Variants in CPLANE1 observed in about 807,000 individuals in gnomAD.
The protein encoded by CPLANE1 is ciliogenesis and planar polarity effector complex subunit 1.
Under a neutral mutation model 362.5 loss-of-function variants are expected in CPLANE1, and 263 were observed. That is an observed-to-expected ratio of 0.73 (90% confidence interval 0.66 to 0.80). The LOEUF (loss-of-function observed/expected upper bound fraction) is 0.80. Among genes scored for constraint, CPLANE1 ranks in the 30% least tolerant of loss-of-function variants. CPLANE1 has a pLI of 0.00. For synonymous variants in CPLANE1, 1,212 were observed against 1,302.6 expected, an observed-to-expected ratio of 0.93 and a Z score of 1.50; for missense variants, 3,461 against 3,793.4, an observed-to-expected ratio of 0.91 and a Z score of 2.30.
intron 25 of CPLANE1, among the ~76,000 whole-genome samples, chr5:37,183,997 TG>T (rs1309337275): frequency 2.0e-5 from 3 of 152,182 alleles, no homozygotes; most frequent in Non-Finnish European, 4.4e-5. Context: ...AATTTTTCTG[TG>T]GGTAAAAGAA....
chr5:37,247,898 A>G (rs1357020435), intron 1 of CPLANE1, 153 bp from the exon 2 acceptor site: 1 of 455,168 alleles, frequency 2.2e-6, no homozygotes, highest in African/African-American at 2.0e-5. Flanking sequence ...CCCGGATTCA[A>G]GTGATTCTCC....
intron 33 of CPLANE1, 26 bp downstream of exon 33, chr5:37,170,015 A>G: frequency 6.2e-7 from 1 of 1,603,340 alleles, no homozygotes; most frequent in Non-Finnish European, 8.5e-7. Context: ...GCGCCCAGCC[A>G]TTAATGGTAT....
rs764395856 is a variant in CPLANE1 at position 37,175,945 on chromosome 5, TGAG to T, written c.5939_5941del (p.Pro1980del). The T allele has an allele frequency of 2.5e-6, 4 of 1,613,682 alleles. No individual in the cohort carries two copies. The South Asian group carries it at 3.3e-5, about 13-fold the overall frequency. On this transcript the variant is annotated inframe_deletion, in exon 31 of 53. Transcript: ENST00000651892. ...TGAACTCGTATCTACTTGCATTGAT[TGAG>T]GAGTGGTATGCCCAGGATGTGAAAA...
chr5:37,110,282 C>T (rs745376584), intron 51 of CPLANE1, among the ~76,000 whole-genome samples: 1 of 152,134 alleles, frequency 6.6e-6, no homozygotes, highest in African/African-American at 2.4e-5. Context: ...TCTTTTCTGT[C>T]ATACCAACTT....
the CPLANE1 span, among the ~76,000 whole-genome samples, chr5:37,089,556 C>A: frequency 6.6e-6 from 1 of 152,150 alleles, no homozygotes; most frequent in Non-Finnish European, 1.5e-5. Context: ...TTGGAATTCA[C>A]CCATTTTTGT....
intron 42 of CPLANE1, among the ~76,000 whole-genome samples, chr5:37,152,763 C>T (rs576804510): frequency 6.6e-6 from 1 of 152,180 alleles, no homozygotes; most frequent in East Asian, 1.9e-4. Context: ...GTGGTGCACA[C>T]CTATAGTCCC....
intron 42 of CPLANE1, among the ~76,000 whole-genome samples, chr5:37,149,948 T>C (rs778658659): frequency 2.0e-5 from 3 of 152,168 alleles, no homozygotes; most frequent in Non-Finnish European, 4.4e-5. Context: ...AAGACAACCA[T>C]TGAACAAATA....
chr5:37,238,785 T>C (rs963597594), intron 8 of CPLANE1, 72 bp downstream of exon 8: 1 of 762,680 alleles, frequency 1.3e-6, no homozygotes, highest in African/African-American at 1.8e-5. Context: ...AGGTGTGAGC[T>C]ACCACACCTG....
chr5:37,239,351 T>C lies in CPLANE1; in HGVS notation c.834+362A>G, dbSNP rs1353735734. 2.6e-5 allele frequency among the ~76,000 whole-genome samples: 4 copies of C among 151,516 alleles called. No individual in the cohort carries two copies. In the East Asian group the frequency reaches 5.8e-4, roughly 22 times the overall value. ...ATCCCAGCACTTTGGGAGGCTGAGG[T>C]GGGAGAACTGCTTGAGCTCAGGAAT... is the stretch of plus-strand genomic sequence containing the variant. On this transcript the variant is annotated intron_variant, in intron 7 of 52. Coordinates refer to ENST00000651892, the MANE Select transcript of CPLANE1 (RefSeq NM_001384732.1).
rs1349133734 is a variant in CPLANE1 at position 37,138,725 on chromosome 5, G to A, written c.8787C>T (p.Thr2929=). ...ATGAATTATTCAATGATTACCTGGA[G>A]GTGCCCATAGCTTGTTCTGTTAAGC... The part of the protein sequence containing the change: ...ELGLTEQAMG[T]SRIQHYSGRH... Residue 2929 remains threonine, a synonymous_variant, in exon 46 of 53, where the codon ACC becomes ACT. Transcript: ENST00000651892. 1.9e-6 allele frequency: 3 copies of A among 1,605,720 alleles called. No homozygotes were observed. Among genetic ancestry groups the A allele is most frequent in the Non-Finnish European group, 2.5e-6 (3 of 1,177,822 alleles).
chr5:37,084,663 C>T, the CPLANE1 span, among the ~76,000 whole-genome samples: 1 of 151,996 alleles, frequency 6.6e-6, no homozygotes, highest in Non-Finnish European at 1.5e-5. Context: ...GCCTGTAATC[C>T]CAGCTACTCA....
At position 37,121,548 on chromosome 5, in the gene CPLANE1, A is replaced by G. The variant is rs10491422; in HGVS notation, c.9185+69T>C. On this transcript the variant is annotated intron_variant, in intron 49 of 52. Transcript: ENST00000651892. ...GCAAATGCACTGAACTTAGGTCACG[A>G]AAGTGCTACATTTCTTCTTATCAGG... The G allele has an allele frequency of 9.1e-3, 13,294 of 1,457,560 alleles. 964 individuals are homozygous for G. The African/African-American group carries it at 0.16, about 18-fold the overall frequency. 90.3% of individuals were successfully genotyped at this position (1,457,560 alleles called of 1,614,324 possible).
chr5:37,084,784 CT>C, the CPLANE1 span, among the ~76,000 whole-genome samples: 2,069 of 149,480 alleles, frequency 0.014, 48 homozygotes, highest in African/African-American at 0.049. Context: ...AAAAAGATAT[CT>C]TTTTTTTTAA....
At chr5:37,107,916 G>C in intron 52 of CPLANE1, 138 bp from the exon 53 acceptor site, 1 of 1,363,634 alleles carries the variant, frequency 7.3e-7, no homozygotes, top group Non-Finnish European at 9.7e-7. Flanking sequence ...AAGGAAATGT[G>C]CCAGGAAATA....
intron 51 of CPLANE1, among the ~76,000 whole-genome samples, chr5:37,113,184 T>C (rs1579791920): frequency 1.3e-5 from 2 of 152,204 alleles, no homozygotes; most frequent in African/African-American, 2.4e-5. Context: ...CATCTTGAAT[T>C]GTAGCTCCCA....
chr5:37,237,967 C>A (rs1799388722), intron 8 of CPLANE1, among the ~76,000 whole-genome samples: 1 of 152,250 alleles, frequency 6.6e-6, no homozygotes, highest in South Asian at 2.1e-4. Flanking sequence ...TCACTTAAGG[C>A]CAGAAGTTCA....
rs531192209 is a variant in CPLANE1 at position 37,188,573 on chromosome 5, C to T, written c.3812-731G>A. Among the ~76,000 whole-genome samples, 234 of 152,182 alleles carry T rather than the reference C, an allele frequency of 1.5e-3. 1 individual carries two copies. Among genetic ancestry groups the T allele is most frequent in the African/African-American group, 5.4e-3 (224 of 41,520 alleles). On this transcript the variant is annotated intron_variant, in intron 21 of 52. Transcript: ENST00000651892. Reference sequence around the variant, plus strand: ...AACACTTTTACACTGCTGGTGAAAACGTAAACTAGTACAACCACTATGGAA... The same window carrying T: ...AACACTTTTACACTGCTGGTGAAAATGTAAACTAGTACAACCACTATGGAA...
the CPLANE1 span, among the ~76,000 whole-genome samples, chr5:37,086,770 T>C: frequency 6.6e-6 from 1 of 152,186 alleles, no homozygotes; most frequent in Non-Finnish European, 1.5e-5. Flanking sequence ...TTAGAGTCTG[T>C]AAGTGGCCTG....
At chr5:37,128,104 G>T (rs774829244) in intron 46 of CPLANE1, among the ~76,000 whole-genome samples, 1 of 152,144 alleles carries the variant, frequency 6.6e-6, no homozygotes, top group African/African-American at 2.4e-5. Context: ...AAAATTAACA[G>T]AATACAGGAT....
Sources: allele counts gnomAD v4.1 joint callset (sites outside exome capture counted in the v4.1 genomes callset), GRCh38; gene constraint gnomAD v4.1.1; transcripts MANE v1.5; gene names NCBI Gene and HGNC (gene_info 2026-07-23, HGNC 2026-07-21).